The following PRKD2 variants were observed in gnomAD, a reference collection of about 807,000 sequenced individuals.
PRKD2 encodes the protein serine/threonine-protein kinase D2.
Under a neutral mutation model 86.0 loss-of-function variants are expected in PRKD2, and 22 were observed. That is an observed-to-expected ratio of 0.26 (90% confidence interval 0.18 to 0.37). The LOEUF is 0.37. PRKD2 is among the 10% of genes least tolerant of loss of function. PRKD2 has a pLI of 1.00. For missense variants in PRKD2, 818 were observed against 1,199.2 expected (o/e 0.68, Z 4.70); for synonymous variants, 509 against 510.9 (o/e 1.00, Z 0.05).
At chr19:46,683,816 A>G (rs887502113) in intron 14 of PRKD2, among the ~76,000 whole-genome samples, 3 of 152,224 alleles carry the variant, frequency 2.0e-5, no homozygotes, top group Non-Finnish European at 4.4e-5. Context: ...ACTGTATGTT[A>G]GCTGTTACTG....
At chr19:46,698,903 C>T (rs2053598026) in intron 7 of PRKD2, among the ~76,000 whole-genome samples, 1 of 152,102 alleles carries the variant, frequency 6.6e-6, no homozygotes, top group African/African-American at 2.4e-5. Context: ...CTCCCCACAC[C>T]CGCCACCCCC....
rs781052226 is a variant in PRKD2, at chr19:46,674,562, G to A, written c.2598C>T (p.His866=). ...DLGGACPPQD[H]DMQGLAERIS... ...TGCGCTCCGCCAGCCCCTGCATGTC[G>A]TGGTCCTGTGGTGGACAGGCCCCAC... Residue 866 remains histidine (H), a synonymous_variant, in exon 18 of 18, where the codon CAC becomes CAT. Coordinates refer to ENST00000291281, the MANE Select transcript of PRKD2 (RefSeq NM_016457.5). The A allele has an allele frequency of 1.9e-5, 31 of 1,612,598 alleles. No individual in the cohort carries two copies. Among genetic ancestry groups the A allele is most frequent in the Admixed American group, 3.3e-5 (2 of 59,974 alleles).
At position 46,713,854 on chromosome 19, in the gene PRKD2, A is replaced by G. The variant is rs1402745381; in HGVS notation, c.379+9T>C. 1 of 1,181,574 alleles carries G rather than the reference A, an allele frequency of 8.5e-7. No individual in the cohort carries two copies. Among genetic ancestry groups the G allele is most frequent in the South Asian group, 1.9e-5 (1 of 53,050 alleles). The allele number at this position is 1,181,574 out of a possible 1,614,324, so 73.2% of individuals were successfully genotyped here. A position where few individuals can be genotyped will look rare whatever the true frequency, so the allele number is the denominator to read the frequency against. On this transcript the variant is annotated intron_variant, in intron 2 of 17. Transcript: ENST00000291281. Reference sequence around the variant, plus strand: ...AGGCCCCGCCCCCAGGCCGGCCACCACCTCTCACCCGACAGCACCACCTCC... The same window carrying G: ...AGGCCCCGCCCCCAGGCCGGCCACCGCCTCTCACCCGACAGCACCACCTCC...
chr19:46,687,804 G>C (rs1260090025), intron 14 of PRKD2, among the ~76,000 whole-genome samples: 1 of 152,198 alleles, frequency 6.6e-6, no homozygotes, highest in Non-Finnish European at 1.5e-5. Context: ...ACAGAGCAGG[G>C]ACTAGGGAGT....
intron 14 of PRKD2, among the ~76,000 whole-genome samples, chr19:46,682,129 C>A (rs1213922012): frequency 6.6e-6 from 1 of 152,158 alleles, no homozygotes; most frequent in Non-Finnish European, 1.5e-5. Flanking sequence ...GCCTCAGCCT[C>A]CCGAGTAGCT....
rs1054818479 is a variant in PRKD2 at position 46,680,938 on chromosome 19, ATATATATATTTTTT to A, written c.2070+698_2070+711del. 3.3e-3 allele frequency among the ~76,000 whole-genome samples: 165 copies of A among 50,312 alleles called. 3 individuals are homozygous for A. The highest frequency in any genetic ancestry group is 8.3e-3 in the African/African-American group (140 of 16,918). The allele number at this position is 50,312 out of a possible 152,430, so 33.0% of individuals were successfully genotyped here. A position where few individuals can be genotyped will look rare whatever the true frequency, so the allele number is the denominator to read the frequency against. On this transcript the variant is annotated intron_variant, in intron 15 of 17. Coordinates refer to ENST00000291281, the MANE Select transcript of PRKD2 (RefSeq NM_016457.5). Reference sequence around the variant, plus strand: ...GTTGGGATAAACTATATATATATATATATATATATTTTTTTTTTTTTTTTTGAGACAGAGTCTCG... The same window carrying A: ...GTTGGGATAAACTATATATATATATATTTTTTTTTTTGAGACAGAGTCTCG...
intron 9 of PRKD2, among the ~76,000 whole-genome samples, chr19:46,696,536 G>T (rs1040596312): frequency 6.6e-6 from 1 of 152,090 alleles, no homozygotes; most frequent in Non-Finnish European, 1.5e-5. Context: ...GAGGGGGGCA[G>T]ATCATGAGGT....
intron 1 of PRKD2, among the ~76,000 whole-genome samples, chr19:46,714,849 A>T (rs751420369): frequency 2.0e-5 from 3 of 152,186 alleles, no homozygotes; most frequent in Non-Finnish European, 2.9e-5. Context: ...GGATTGAGGC[A>T]TTTGGTGGGC....
intron 9 of PRKD2, among the ~76,000 whole-genome samples, chr19:46,694,864 A>G (rs2053534539): frequency 6.6e-6 from 1 of 150,774 alleles, no homozygotes; most frequent in Admixed American, 6.6e-5. Context: ...ATGGCCCAGG[A>G]GTTCAAGACC....
In PRKD2 at chr19:46,716,325, C is replaced by A. The variant is rs2053881145; in HGVS notation, c.46G>T (p.Gly16Trp). The A allele has an allele frequency of 1.4e-6, 2 of 1,450,144 alleles. No homozygotes were observed. Among genetic ancestry groups the A allele is most frequent in the Admixed American group, 4.9e-5 (2 of 41,136 alleles). The allele number at this position is 1,450,144 out of a possible 1,614,324, so 89.8% of individuals were successfully genotyped here. ...CCGGGGGGCGGAGGAGACCCCGGCC[C>A]GGGAGAGCCAGGGAGCCCGGCGGGA... ...SYPAGLPGSPGPGSPPPPGGL... is the reference protein window; with the variant it reads ...SYPAGLPGSPWPGSPPPPGGL... Residue 16 changes from glycine (G) to tryptophan (W), a missense_variant, in exon 1 of 18, where the codon GGG (glycine) becomes TGG (tryptophan). Gly to Trp is a radical substitution (Grantham distance 184, BLOSUM62 -2). Around this residue, in one of 5 missense-constraint regions of PRKD2, gnomAD observed 403 missense variants for 518.6 expected, o/e 0.78. Coordinates refer to ENST00000291281, the MANE Select transcript of PRKD2 (RefSeq NM_016457.5). The surrounding 1 kb of genome is among the most constrained non-coding windows in gnomAD (Gnocchi z 7.9).
intron 10 of PRKD2, among the ~76,000 whole-genome samples, chr19:46,692,643 T>C (rs2053500045): frequency 6.6e-6 from 1 of 151,780 alleles, no homozygotes; most frequent in African/African-American, 2.4e-5. Flanking sequence ...CCCAGTGCCC[T>C]CAGGAAGAAG....
At chr19:46,683,027 C>T (rs930850993) in intron 14 of PRKD2, among the ~76,000 whole-genome samples, 3 of 150,746 alleles carry the variant, frequency 2.0e-5, no homozygotes, top group African/African-American at 7.3e-5. Flanking sequence ...GAGATGGAGT[C>T]TCCCTCTGTC....
In PRKD2 at chr19:46,693,752, G is replaced by A; in HGVS notation, c.1576+123C>T. 1 of 1,383,732 alleles carries A rather than the reference G, an allele frequency of 7.2e-7. No individual in the cohort carries two copies. The highest frequency in any genetic ancestry group is 1.4e-5 in the South Asian group (1 of 72,294). 85.7% of individuals were successfully genotyped at this position (1,383,732 alleles called of 1,614,324 possible). A position where few individuals can be genotyped will look rare whatever the true frequency, so the allele number is the denominator to read the frequency against. On this transcript the variant is annotated intron_variant, in intron 10 of 17. Transcript: ENST00000291281. The surrounding 1 kb of genome is among the most constrained non-coding windows in gnomAD (Gnocchi z 4.5). ...CAGAGTTTGAACCCAGGCCTGCTGA[G>A]TCCAGAAGCTGCGTTCTCAACCCCA... is the stretch of plus-strand genomic sequence containing the variant.
At chr19:46,682,948 C>T (rs948036045) in intron 14 of PRKD2, among the ~76,000 whole-genome samples, 2 of 151,860 alleles carry the variant, frequency 1.3e-5, no homozygotes, top group African/African-American at 4.8e-5. Flanking sequence ...GTGATCCACC[C>T]ACCTCAGCCT....
chr19:46,697,129 C>A lies in PRKD2; in HGVS notation c.1317+28G>T, dbSNP rs769282798. On this transcript the variant is annotated intron_variant, in intron 9 of 17. Coordinates refer to ENST00000291281, the MANE Select transcript of PRKD2 (RefSeq NM_016457.5). Reference sequence around the variant, plus strand: ...AAGTTTGTGGGCACAGCGGGAAGTCCGAGGGAGCTGAAAGCCCGGAGGCTT... The same window carrying A: ...AAGTTTGTGGGCACAGCGGGAAGTCAGAGGGAGCTGAAAGCCCGGAGGCTT... 9.2e-6 allele frequency: 14 copies of A among 1,525,458 alleles called. No homozygotes were observed. In the South Asian group the frequency reaches 1.6e-4, roughly 17 times the overall value. The allele number at this position is 1,525,458 out of a possible 1,614,324, so 94.5% of individuals were successfully genotyped here.
chr19:46,694,276 A>T, intron 9 of PRKD2, 143 bp from the exon 10 acceptor site: 1 of 1,169,594 alleles, frequency 8.5e-7, no homozygotes, highest in South Asian at 1.6e-5. Flanking sequence ...AGTAATTCTA[A>T]GCCTGTTCTC....
At position 46,678,441 on chromosome 19, in the gene PRKD2, C is replaced by T. The variant is rs764079163; in HGVS notation, c.2293G>A (p.Ala765Thr). 5.6e-6 allele frequency: 9 copies of T among 1,614,138 alleles called. 1 individual carries two copies. Among genetic ancestry groups the T allele is most frequent in the East Asian group, 4.5e-5 (2 of 44,874 alleles). Reference protein sequence around the residue: ...EDINDQIQNAAFMYPASPWSH... With the variant: ...EDINDQIQNATFMYPASPWSH... ...CAGGGGCTGGCCGGGTACATGAAGG[C>T]GGCGTTCTGGATCTGGTCATTGATG... The change falls in exon 16 of 18, where the codon GCC (alanine) becomes ACC (threonine). Residue 765 changes from alanine to threonine, a missense_variant. Coordinates refer to ENST00000291281, the MANE Select transcript of PRKD2 (RefSeq NM_016457.5). The surrounding 1 kb of genome is among the most constrained non-coding windows in gnomAD (Gnocchi z 5.7).
Position 46,700,794 on chromosome 19 carries a change from T to C in PRKD2, c.1121+5A>G, listed in dbSNP as rs199629913. The C allele has an allele frequency of 1.9e-6, 3 of 1,613,706 alleles. No homozygotes were observed. The highest frequency in any genetic ancestry group is 1.3e-5 in the African/African-American group (1 of 75,054). ...CCAGGGTCTCTTGGAGGGTTCTGTGTATACCTCTGGGCCTTGCCTCCCTCG... is the reference window on the plus strand; with the variant it reads ...CCAGGGTCTCTTGGAGGGTTCTGTGCATACCTCTGGGCCTTGCCTCCCTCG... On this transcript the variant is annotated splice_donor_5th_base_variant and intron_variant, in intron 7 of 17. Transcript: ENST00000291281.
intron 5 of PRKD2, among the ~76,000 whole-genome samples, chr19:46,701,596 A>G (rs946990510): frequency 6.6e-6 from 1 of 151,658 alleles, no homozygotes; most frequent in African/African-American, 2.4e-5. Context: ...CAGATGATCC[A>G]CCTGCCTTGG....
Sources: gnomAD v4.1 joint callset for allele counts (sites outside exome capture counted in the v4.1 genomes callset) on GRCh38, gnomAD v4.1.1 for gene constraint, gnomAD v4.1.1 regional missense constraint, Gnocchi (gnomAD v3.1) non-coding constraint, MANE v1.5 for transcripts, NCBI Gene and HGNC (gene_info 2026-07-23, HGNC 2026-07-21) for gene names.